The following KIF1C variants were observed in gnomAD, a reference collection of about 807,000 sequenced individuals.
KIF1C encodes the protein kinesin-like protein KIF1C.
In KIF1C, 61 loss-of-function variants were observed where a neutral mutation model predicts 126.5. The observed-to-expected ratio is 0.48, with a 90% CI of 0.39 to 0.60. The LOEUF (loss-of-function observed/expected upper bound fraction) is 0.60. Ranked by LOEUF, KIF1C falls within the 20% of genes least tolerant of loss-of-function variation. The pLI, the probability that KIF1C is intolerant of heterozygous loss-of-function variation, is 0.00. For missense variants in KIF1C, 1,315 were observed against 1,489.2 expected (o/e 0.88, Z 1.93); for synonymous variants, 640 against 580.6 (o/e 1.10, Z -1.47).
Position 5,012,558 on chromosome 17 carries a change from G to A in KIF1C, c.1492-1095G>A, listed in dbSNP as rs532753841. ...AGGCCCAGGGATGCCAGGGGAAAAA[G>A]TAGGCTCAAGTCCAGCGGGCCTGGG... On this transcript the variant is annotated intron_variant, in intron 16 of 22. Coordinates refer to ENST00000320785, the MANE Select transcript of KIF1C (RefSeq NM_006612.6). Among the ~76,000 whole-genome samples the A allele has an allele frequency of 4.3e-4, 66 of 152,206 alleles. No homozygotes were observed. In the South Asian group the frequency reaches 0.013, roughly 30 times the overall value.
intron 8 of KIF1C, among the ~76,000 whole-genome samples, chr17:5,003,398 A>G (rs886637975): frequency 7.9e-5 from 12 of 152,076 alleles, no homozygotes; most frequent in African/African-American, 2.9e-4. Flanking sequence ...TCCCTTGTCC[A>G]TGCCTGCGGT....
At position 5,014,725 on chromosome 17, in the gene KIF1C, T is replaced by C; in HGVS notation, c.1572-18T>C. On this transcript the variant is annotated intron_variant, in intron 17 of 22. Transcript: ENST00000320785. ...AAGTCTGGCACATGCTCACAAACGT[T>C]GGCCATTGCTTCCCCAGGGTCGGCC... 1 of 1,565,640 alleles carries C rather than the reference T, an allele frequency of 6.4e-7. No individual in the cohort carries two copies. The highest frequency in any genetic ancestry group is 8.7e-7 in the Non-Finnish European group (1 of 1,152,178).
intron 21 of KIF1C, among the ~76,000 whole-genome samples, chr17:5,021,169 GTTTTTTTTTT>G (rs765920431): frequency 2.6e-5 from 2 of 77,370 alleles, no homozygotes; most frequent in East Asian, 3.4e-4. Flanking sequence ...GATTGTTGTG[GTTTTTTTTTT>G]TTTTTTTTTT....
In KIF1C at chr17:5,000,629, G is replaced by A. The variant is rs966910700; in HGVS notation, c.107-143G>A. The stretch of plus-strand genomic sequence containing the variant: ...AAATTAGCTTTGGTGGCTGGAGGGG[G>A]TGGGGAATGTTAAAGGGGAGAGAAG... On this transcript the variant is annotated intron_variant, in intron 3 of 22. Transcript: ENST00000320785. The A allele has an allele frequency of 1.6e-5, 13 of 799,648 alleles. No individual in the cohort carries two copies. The East Asian group carries it at 1.8e-4, about 11-fold the overall frequency. 49.5% of individuals were successfully genotyped at this position (799,648 alleles called of 1,614,324 possible).
In KIF1C at chr17:5,002,085, T is replaced by A. The variant is rs1567719808; in HGVS notation, c.390T>A (p.Val130=). The A allele has an allele frequency of 2.5e-6, 4 of 1,614,126 alleles. No individual in the cohort carries two copies. Among genetic ancestry groups the A allele is most frequent in the Middle Eastern group, 1.7e-4 (1 of 6,060 alleles). ...TCTGTGAGGACCTCTTCTCTCGCGT[T>A]AGTGAGAACCAGAGTGCTCAGCTAT... The part of the protein sequence containing the change: ...PQLCEDLFSR[V]SENQSAQLSY... Residue 130 remains valine, a synonymous_variant, in exon 6 of 23, where the codon GTT becomes GTA. Coordinates refer to ENST00000320785, the MANE Select transcript of KIF1C (RefSeq NM_006612.6).
chr17:5,003,194 G>T lies in KIF1C; in HGVS notation c.720+352G>T, dbSNP rs563196156. 2.0e-3 allele frequency among the ~76,000 whole-genome samples: 309 copies of T among 152,180 alleles called. 2 individuals are homozygous for T. Among genetic ancestry groups the T allele is most frequent in the Non-Finnish European group, 3.4e-3 (230 of 68,000 alleles). On this transcript the variant is annotated intron_variant, in intron 8 of 22. Coordinates refer to ENST00000320785, the MANE Select transcript of KIF1C (RefSeq NM_006612.6). ...CGAGTACCTGGGATTACAGGCATGC[G>T]CCACCAGGCCCAGCTAATTTTTTTG... is the stretch of plus-strand genomic sequence containing the variant.
chr17:5,000,662 A>G, intron 3 of KIF1C, 110 bp from the exon 4 acceptor site: 1 of 989,010 alleles, frequency 1.0e-6, no homozygotes, highest in Non-Finnish European at 1.6e-6. Flanking sequence ...AAGAGTCAGG[A>G]CAGTGGTGAG....
chr17:5,001,951 T>G, intron 5 of KIF1C, 108 bp from the exon 6 acceptor site: 1 of 966,498 alleles, frequency 1.0e-6, no homozygotes, highest in South Asian at 1.3e-5. Flanking sequence ...CTCAAGGCTG[T>G]AGCAAGGGTT....
Position 5,007,474 on chromosome 17 carries a change from T to C in KIF1C, c.1423T>C (p.Leu475=). The C allele has an allele frequency of 6.3e-7, 1 of 1,589,234 alleles. No individual in the cohort carries two copies. The highest frequency in any genetic ancestry group is 8.6e-7 in the Non-Finnish European group (1 of 1,166,940). ...TEALRMEREA[L]LAEMGVAVRE... ...CCTCTCCTCTGCCCACAGAGAAGCATTGCTGGCTGAGATGGGGGTGGCCGT... is the reference window on the plus strand; with the variant it reads ...CCTCTCCTCTGCCCACAGAGAAGCACTGCTGGCTGAGATGGGGGTGGCCGT... Residue 475 remains leucine, a synonymous_variant, in exon 16 of 23, where the codon TTG becomes CTG. Coordinates refer to ENST00000320785, the MANE Select transcript of KIF1C (RefSeq NM_006612.6).
chr17:5,021,843 C>G (rs1447583996), intron 21 of KIF1C, among the ~76,000 whole-genome samples: 1 of 152,092 alleles, frequency 6.6e-6, no homozygotes, highest in African/African-American at 2.4e-5. Flanking sequence ...CTTATGGTAA[C>G]TTTCTCGGTG....
Position 5,024,423 on chromosome 17 carries a change from T to G in KIF1C, c.*272T>G. 3.0e-6 allele frequency: 1 copy of G among 329,560 alleles called. No homozygotes were observed. 20.4% of individuals were successfully genotyped at this position (329,560 alleles called of 1,614,324 possible). A position where few individuals can be genotyped will look rare whatever the true frequency, so the allele number is the denominator to read the frequency against. ...CAAAGGGGGTGTGTCCCACAAACGC[T>G]GCTATGGGTGGGGTGGGGGGCTGGG... On this transcript the variant is annotated 3_prime_UTR_variant, in exon 23 of 23. Transcript: ENST00000320785.
rs759019159 is a variant in KIF1C at position 5,023,605 on chromosome 17, G to A, written c.2766G>A (p.Glu922=). The A allele has an allele frequency of 2.5e-6, 4 of 1,613,760 alleles. No individual in the cohort carries two copies. The highest frequency in any genetic ancestry group is 2.5e-6 in the Non-Finnish European group (3 of 1,179,926). The change falls in exon 23 of 23, where the codon GAG becomes GAA. Residue 922 remains glutamate, a synonymous_variant. Transcript: ENST00000320785. This position sits in a 1 kb window ranked among gnomAD's most constrained non-coding sequence, Gnocchi z 4.2. ...CCTCGCCACCACTGTCAAGCTGGGA[G>A]CGGGTGTCACGGCTCATGGAGGAGG... is the stretch of plus-strand genomic sequence containing the variant. ...RPPSPPLSSW[E]RVSRLMEEDP... is the part of the protein sequence containing the mutation.
chr17:5,002,796 T>G lies in KIF1C; in HGVS notation c.674T>G (p.Phe225Cys). The G allele has an allele frequency of 6.2e-7, 1 of 1,613,760 alleles. No individual in the cohort carries two copies. Among genetic ancestry groups the G allele is most frequent in the East Asian group, 2.2e-5 (1 of 44,846 alleles). ...SRSHAVFTIV[F>C]TQRCHDQLTG... ...TCCCATGCCGTCTTTACCATCGTCT[T>G]CACACAGCGCTGCCATGACCAGCTC... Residue 225 changes from phenylalanine to cysteine, a missense_variant, in exon 8 of 23, where the codon TTC (phenylalanine) becomes TGC (cysteine). Coordinates refer to ENST00000320785, the MANE Select transcript of KIF1C (RefSeq NM_006612.6).
In KIF1C at chr17:5,020,832, G is replaced by A. The variant is rs1320673365; in HGVS notation, c.1964G>A (p.Arg655Gln). ...KRLQDLENQY[R>Q]KEKEEADLLL... ...CTGCAGGATCTGGAGAATCAGTACCGGAAAGAAAAGGAAGAAGCCGATCTT... is the reference window on the plus strand; with the variant it reads ...CTGCAGGATCTGGAGAATCAGTACCAGAAAGAAAAGGAAGAAGCCGATCTT... The change falls in exon 21 of 23, where the codon CGG becomes CAG. Residue 655 changes from arginine (R) to glutamine (Q), a missense_variant. Around this residue, in one of 2 missense-constraint regions of KIF1C, gnomAD observed 874 missense variants for 1,053.2 expected, o/e 0.83. Coordinates refer to ENST00000320785, the MANE Select transcript of KIF1C (RefSeq NM_006612.6). This position sits in a 1 kb window ranked among gnomAD's most constrained non-coding sequence, Gnocchi z 5.8. 14 of 1,591,310 alleles carry A rather than the reference G, an allele frequency of 8.8e-6. No individual in the cohort carries two copies. The highest frequency in any genetic ancestry group is 1.1e-5 in the Non-Finnish European group (13 of 1,168,658).
chr17:5,007,662 C>T, intron 16 of KIF1C, 120 bp downstream of exon 16: 1 of 715,710 alleles, frequency 1.4e-6, no homozygotes, highest in Admixed American at 3.0e-5. Context: ...CCGGCTTGTC[C>T]CTCCATCATT....
Position 5,003,605 on chromosome 17 carries a change from AC to A in KIF1C, c.721-3del. On this transcript the variant is annotated splice_polypyrimidine_tract_variant and splice_region_variant and intron_variant, in intron 8 of 22. Transcript: ENST00000320785. Reference sequence around the variant, plus strand: ...CCTTATCTCCTGCCTGTTTCCTCTGACCCCAGGTCAGTAAGATCAGTTTGGT... The same window carrying A: ...CCTTATCTCCTGCCTGTTTCCTCTGACCCAGGTCAGTAAGATCAGTTTGGT... 1 of 1,607,540 alleles carries A rather than the reference AC, an allele frequency of 6.2e-7. No homozygotes were observed. The highest frequency in any genetic ancestry group is 8.5e-7 in the Non-Finnish European group (1 of 1,176,332).
At chr17:5,013,843 A>G in intron 17 of KIF1C, 111 bp downstream of exon 17, 1 of 748,272 alleles carries the variant, frequency 1.3e-6, no homozygotes, top group Non-Finnish European at 2.3e-6. Context: ...GATACCTCAG[A>G]TCTCTAAACA....
At position 5,023,944 on chromosome 17, in the gene KIF1C, T is replaced by G; in HGVS notation, c.3105T>G (p.Asp1035Glu). The G allele has an allele frequency of 6.4e-7, 1 of 1,574,794 alleles. No individual in the cohort carries two copies. The highest frequency in any genetic ancestry group is 8.6e-7 in the Non-Finnish European group (1 of 1,160,172). Residue 1035 changes from aspartate (D) to glutamate (E), a missense_variant, in exon 23 of 23, where the codon GAT (aspartate) becomes GAG (glutamate). This residue lies in a region of KIF1C where 441 missense variants were observed against 436.1 expected (regional missense o/e 1.01). Transcript: ENST00000320785. The surrounding 1 kb of genome is among the most constrained non-coding windows in gnomAD (Gnocchi z 4.2). ...ACCATCCCCGCAGGAACTCCCTGGA[T>G]GGAGGGGGCCGATCCCGGGGAGCGG... ...RSHHPRRNSLDGGGRSRGAGS... is the reference protein window; with the variant it reads ...RSHHPRRNSLEGGGRSRGAGS...
At chr17:5,012,193 T>G (rs1341892033) in intron 16 of KIF1C, 1 of 152,210 alleles carries the variant, frequency 6.6e-6, no homozygotes, top group African/African-American at 2.4e-5. Context: ...TTGACTCATC[T>G]CTGTACCCCG....
Sources: gnomAD v4.1 joint callset for allele counts (sites outside exome capture counted in the v4.1 genomes callset) on GRCh38, gnomAD v4.1.1 for gene constraint, gnomAD v4.1.1 regional missense constraint, Gnocchi (gnomAD v3.1) non-coding constraint, MANE v1.5 for transcripts, NCBI Gene and HGNC (gene_info 2026-07-23, HGNC 2026-07-21) for gene names.